Variants in GABRP observed in about 807,000 individuals in gnomAD.
GABRP encodes gamma-aminobutyric acid type A receptor subunit pi.
In GABRP, 52 loss-of-function variants were observed where a neutral mutation model predicts 47.8. That is an observed-to-expected ratio of 1.09 (90% CI 0.87 to 1.37). The LOEUF (loss-of-function observed/expected upper bound fraction) is 1.37. Among genes scored for constraint, GABRP ranks in the 40% most tolerant of loss-of-function variants. GABRP has a pLI of 0.00. For synonymous variants in GABRP, 221 were observed against 205.8 expected (o/e 1.07, Z -0.63); for missense variants, 525 against 542.8 (o/e 0.97, Z 0.33).
In GABRP at chr5:170,805,763, G is replaced by A. The variant is rs751400203; in HGVS notation, c.589G>A (p.Asp197Asn). The A allele has an allele frequency of 2.2e-5, 35 of 1,614,044 alleles. No homozygotes were observed. Among genetic ancestry groups the A allele is most frequent in the Non-Finnish European group, 2.5e-5 (30 of 1,180,026 alleles). The change falls in exon 7 of 10, where the codon GAC (aspartate) becomes AAC (asparagine). Residue 197 changes from aspartate (D) to asparagine (N), a missense_variant. Coordinates refer to ENST00000265294, the MANE Select transcript of GABRP (RefSeq NM_014211.3). The part of the protein sequence containing the change: ...DVEFTWLRGN[D>N]SVRGLEHLRL... ...GGAGTTCACCTGGCTGAGAGGGAAC[G>A]ACTCTGTGCGTGGACTGGAACACCT...
At chr5:170,805,104 T>A (rs116277412) in intron 6 of GABRP, among the ~76,000 whole-genome samples, 1 of 149,562 alleles carries the variant, frequency 6.7e-6, no homozygotes, top group Admixed American at 6.7e-5. Flanking sequence ...CATCTTAGAA[T>A]TGAGGAAATA....
chr5:170,793,133 G>A (rs1298837379), intron 3 of GABRP, among the ~76,000 whole-genome samples: 1 of 152,084 alleles, frequency 6.6e-6, no homozygotes, highest in Non-Finnish European at 1.5e-5. Context: ...ACTCCCCATT[G>A]CCGCCACTCC....
chr5:170,800,263 T>G (rs1388510430), intron 6 of GABRP, among the ~76,000 whole-genome samples: 7 of 152,194 alleles, frequency 4.6e-5, no homozygotes, highest in African/African-American at 1.7e-4. Context: ...ACTTAACAAA[T>G]GGTGCTGGGA....
In GABRP at chr5:170,809,713, T is replaced by A; in HGVS notation, c.978T>A (p.Val326=). The A allele has an allele frequency of 6.2e-7, 1 of 1,610,962 alleles. No homozygotes were observed. The highest frequency in any genetic ancestry group is 8.5e-7 in the Non-Finnish European group (1 of 1,178,448). The change falls in exon 9 of 10, where the codon GTT becomes GTA. Residue 326 remains valine, a synonymous_variant. Coordinates refer to ENST00000265294, the MANE Select transcript of GABRP (RefSeq NM_014211.3). ...FVFGALLEYA[V]AHYSSLQQMA... is the part of the protein sequence containing the mutation. ...TTGGGGCCTTGCTAGAATATGCAGT[T>A]GCTCACTACAGTTCCTTACAGCAGA... is the stretch of plus-strand genomic sequence containing the variant.
At chr5:170,794,172 A>G (rs530907333) in intron 3 of GABRP, 59 bp from the exon 4 acceptor site, 19 of 1,094,656 alleles carry the variant, frequency 1.7e-5, no homozygotes, top group Admixed American at 1.2e-4. Flanking sequence ...ATGCACTAAT[A>G]TAGTATTAAG....
intron 5 of GABRP, among the ~76,000 whole-genome samples, chr5:170,796,973 G>A (rs906634385): frequency 1.3e-5 from 2 of 152,200 alleles, no homozygotes; most frequent in African/African-American, 4.8e-5. Flanking sequence ...CACTGCCTCT[G>A]CATCCTGGTT....
intron 4 of GABRP, 97 bp from the exon 5 acceptor site, chr5:170,795,111 T>C (rs986577164): frequency 7.3e-6 from 6 of 817,118 alleles, no homozygotes; most frequent in Non-Finnish European, 1.1e-5. Flanking sequence ...TAAGTGGAGG[T>C]GGGGAGGGGA....
At position 170,812,218 on chromosome 5, in the gene GABRP, T is replaced by C. The variant is rs1419609290; in HGVS notation, c.1283T>C (p.Leu428Pro). The change falls in exon 10 of 10, where the codon CTA becomes CCA. Residue 428 changes from leucine (L) to proline (P), a missense_variant. Transcript: ENST00000265294. ...SKLLFPLIFM[L>P]ANVFYWAYYM... Reference sequence around the variant, plus strand: ...CTACTGTTTCCTTTGATTTTTATGCTAGCCAATGTATTTTACTGGGCATAC... The same window carrying C: ...CTACTGTTTCCTTTGATTTTTATGCCAGCCAATGTATTTTACTGGGCATAC... 1 of 1,613,878 alleles carries C rather than the reference T, an allele frequency of 6.2e-7. No individual in the cohort carries two copies.
intron 2 of GABRP, 133 bp downstream of exon 2, chr5:170,788,801 A>C (rs1765190224): frequency 1.2e-6 from 1 of 800,332 alleles, no homozygotes; most frequent in Admixed American, 2.0e-5. Flanking sequence ...TGGAGCACCG[A>C]ACAATGAAAC....
At chr5:170,808,561 G>A (rs755264432) in intron 7 of GABRP, 39 bp from the exon 8 acceptor site, 13 of 1,592,204 alleles carry the variant, frequency 8.2e-6, no homozygotes, top group African/African-American at 8.1e-5. Context: ...CTTGCTACAC[G>A]AACAGACACA....
chr5:170,800,703 T>C (rs1209302330), intron 6 of GABRP, among the ~76,000 whole-genome samples: 1 of 152,222 alleles, frequency 6.6e-6, no homozygotes, highest in Non-Finnish European at 1.5e-5. Flanking sequence ...CCCAGCACTT[T>C]GGGAGGCCAA....
chr5:170,799,575 T>A (rs1765532276), intron 6 of GABRP, among the ~76,000 whole-genome samples: 1 of 152,230 alleles, frequency 6.6e-6, no homozygotes, highest in African/African-American at 2.4e-5. Context: ...TGCACAAATG[T>A]CTTCTTTTGA....
chr5:170,784,254 A>C (rs932997853), intron 1 of GABRP, among the ~76,000 whole-genome samples: 1 of 152,228 alleles, frequency 6.6e-6, no homozygotes, highest in Non-Finnish European at 1.5e-5. Context: ...TGATAAGGAT[A>C]GGAAAACTGT....
At chr5:170,799,066 T>G (rs545866111) in intron 6 of GABRP, among the ~76,000 whole-genome samples, 3 of 152,116 alleles carry the variant, frequency 2.0e-5, no homozygotes, top group Non-Finnish European at 4.4e-5. Context: ...TTGCTGAGAA[T>G]GATGGTTTCC....
chr5:170,785,549 T>C (rs1157050747), intron 1 of GABRP, among the ~76,000 whole-genome samples: 1 of 152,194 alleles, frequency 6.6e-6, no homozygotes, highest in Non-Finnish European at 1.5e-5. Context: ...TGGGATTACA[T>C]TTCTGGCTCT....
At chr5:170,789,323 A>G (rs1176902179) in intron 3 of GABRP, 76 bp downstream of exon 3, 1 of 902,298 alleles carries the variant, frequency 1.1e-6, no homozygotes, top group East Asian at 2.6e-5. Flanking sequence ...GGGTTTCGGG[A>G]GGTTTTAGTT....
intron 3 of GABRP, among the ~76,000 whole-genome samples, chr5:170,789,597 G>A (rs923506055): frequency 1.3e-5 from 2 of 152,088 alleles, no homozygotes; most frequent in Admixed American, 6.5e-5. Flanking sequence ...CCTCCAGCCT[G>A]AGCCCTTTCA....
rs1382600139 is a variant in GABRP at position 170,788,639 on chromosome 5, C to T, written c.24C>T (p.Ala8=). The T allele has an allele frequency of 2.5e-6, 4 of 1,614,024 alleles. No homozygotes were observed. Among genetic ancestry groups the T allele is most frequent in the Non-Finnish European group, 3.4e-6 (4 of 1,180,028 alleles). MNYSLHL[A]FVCLSLFTER... ...ACATGAACTACAGCCTCCACTTGGC[C>T]TTCGTGTGTCTGAGTCTCTTCACTG... The change falls in exon 2 of 10, where the codon GCC becomes GCT. Residue 8 remains alanine, a synonymous_variant. Coordinates refer to ENST00000265294, the MANE Select transcript of GABRP (RefSeq NM_014211.3).
At chr5:170,797,331 T>C in intron 5 of GABRP, 135 bp from the exon 6 acceptor site, 1 of 655,796 alleles carries the variant, frequency 1.5e-6, no homozygotes, top group African/African-American at 1.8e-5. Context: ...TCAAGGATGC[T>C]TTACATGCAG....
Sources: gnomAD v4.1 joint callset for allele counts (sites outside exome capture counted in the v4.1 genomes callset) on GRCh38, gnomAD v4.1.1 for gene constraint, MANE v1.5 for transcripts, NCBI Gene and HGNC (gene_info 2026-07-23, HGNC 2026-07-21) for gene names.